Variants in GARNL3 observed in about 807,000 individuals in gnomAD.
The protein encoded by GARNL3 is GTPase activating Rap/RanGAP domain like 3, also known as GTPase-activating Rap/Ran-GAP domain-like protein 3.
A neutral mutation model predicts 125.0 loss-of-function variants in GARNL3; 63 were observed. The observed-to-expected ratio is 0.50, with a 90% CI of 0.41 to 0.62. The LOEUF (loss-of-function observed/expected upper bound fraction) is 0.62, where lower values mean the gene tolerates loss of function less well. GARNL3 is among the 20% of genes least tolerant of loss of function. The probability of loss-of-function intolerance (pLI) is 0.00; values close to 1 mark genes in which losing one functional copy is unlikely to be tolerated. For missense variants in GARNL3, 994 were observed against 1,244.0 expected (o/e 0.80, Z 3.02); for synonymous variants, 439 against 457.5 (o/e 0.96, Z 0.52).
intron 22 of GARNL3, among the ~76,000 whole-genome samples, chr9:127,368,491 C>T (rs1368061622): frequency 1.3e-5 from 2 of 151,440 alleles, no homozygotes; most frequent in East Asian, 2.0e-4. Context: ...GCACCACACC[C>T]GGCCAATTTT....
rs1263429598 is a variant in GARNL3, at chr9:127,372,018, C to T, written c.2161+6652C>T. Reference sequence around the variant, plus strand: ...CGCGATTTTGGCTCACGGAAACCTCCGCCTCCTGGGTCCAAATGATTCTCC... The same window carrying T: ...CGCGATTTTGGCTCACGGAAACCTCTGCCTCCTGGGTCCAAATGATTCTCC... On this transcript the variant is annotated intron_variant, in intron 22 of 27. Transcript: ENST00000373387. Among the ~76,000 whole-genome samples the T allele has an allele frequency of 3.9e-5, 6 of 152,154 alleles. No individual in the cohort carries two copies. The East Asian group carries it at 1.2e-3, about 29-fold the overall frequency.
In GARNL3 at chr9:127,385,122, C is replaced by T. The variant is rs1202152688; in HGVS notation, c.2365C>T (p.Gln789Ter). 6.2e-7 allele frequency: 1 copy of T among 1,607,030 alleles called. No homozygotes were observed. The highest frequency in any genetic ancestry group is 8.5e-7 in the Non-Finnish European group (1 of 1,175,780). The change falls in exon 24 of 28, where the codon CAG (glutamine) becomes TAG (stop). Residue 789 changes from glutamine to a stop codon, truncating the protein, a stop_gained. Coordinates refer to ENST00000373387, the MANE Select transcript of GARNL3 (RefSeq NM_032293.5). LOFTEE classifies it high-confidence loss of function. The surrounding 1 kb of genome is among the most constrained non-coding windows in gnomAD (Gnocchi z 4.1). ...GNLVHTAVVPQLQLVASRSDI... is the reference protein window; with the variant it reads ...GNLVHTAVVP ...CCTGGTCCACACTGCAGTCGTGCCG[C>T]AGCTGCAGCTGGTGGCCTCCAGGGT...
chr9:127,346,131 G>T (rs1332715487), intron 16 of GARNL3, among the ~76,000 whole-genome samples: 2 of 151,940 alleles, frequency 1.3e-5, no homozygotes, highest in Non-Finnish European at 2.9e-5. Context: ...TTTCCATGGG[G>T]GTAAAAACTA....
intron 2 of GARNL3, among the ~76,000 whole-genome samples, chr9:127,249,956 C>T (rs1326912270): frequency 6.6e-6 from 1 of 152,130 alleles, no homozygotes; most frequent in Non-Finnish European, 1.5e-5. Context: ...TTGCAGGGAG[C>T]CGAGATTGCA....
chr9:127,352,110 G>A (rs186271381), intron 17 of GARNL3, among the ~76,000 whole-genome samples: 2 of 152,258 alleles, frequency 1.3e-5, no homozygotes, highest in Admixed American at 6.5e-5. Context: ...TGCTGTGGTC[G>A]CATCTCTATC....
intron 2 of GARNL3, 105 bp downstream of exon 2, chr9:127,291,347 A>C: frequency 5.0e-6 from 5 of 999,026 alleles, no homozygotes; most frequent in Non-Finnish European, 7.7e-6. Flanking sequence ...AGCTTTTCAG[A>C]GCTTTGCTTG....
chr9:127,227,318 G>A (rs989751931), intron 1 of GARNL3, among the ~76,000 whole-genome samples: 4 of 152,076 alleles, frequency 2.6e-5, no homozygotes, highest in African/African-American at 7.2e-5. Context: ...ACTAATTTGT[G>A]GGCCAGGCGC....
chr9:127,393,189 G>T lies in GARNL3; in HGVS notation c.2977G>T (p.Val993Phe), dbSNP rs1564209073. Residue 993 changes from valine to phenylalanine, a missense_variant, in exon 28 of 28, where the codon GTC (valine) becomes TTC (phenylalanine). Around this residue, in one of 5 missense-constraint regions of GARNL3, gnomAD observed 728 missense variants for 865.7 expected, o/e 0.84. Transcript: ENST00000373387. ...TGTGGCAGACAGAGAGGGCAGCCCG[G>T]TCTCCGGCAGCAGCCCCTTCCAGCT... is the stretch of plus-strand genomic sequence containing the variant. The part of the protein sequence containing the change: ...DPVADREGSP[V>F]SGSSPFQLTA... 3 of 1,613,742 alleles carry T rather than the reference G, an allele frequency of 1.9e-6. No individual in the cohort carries two copies. The highest frequency in any genetic ancestry group is 1.7e-6 in the Non-Finnish European group (2 of 1,179,606).
intron 1 of GARNL3, among the ~76,000 whole-genome samples, chr9:127,225,782 C>T (rs542503219): frequency 0.036 from 340 of 9,394 alleles, no homozygotes; most frequent in Non-Finnish European, 0.06. Flanking sequence ...CTGGCAGCCG[C>T]ACACCTGCTG....
intron 2 of GARNL3, among the ~76,000 whole-genome samples, chr9:127,249,014 A>G (rs745916256): frequency 3.9e-5 from 6 of 151,972 alleles, no homozygotes; most frequent in Non-Finnish European, 8.8e-5. Flanking sequence ...AGCTCCAAAG[A>G]CTATGAGACA....
intron 17 of GARNL3, among the ~76,000 whole-genome samples, chr9:127,349,858 G>A (rs1466656068): frequency 1.3e-5 from 2 of 152,152 alleles, no homozygotes; most frequent in African/African-American, 4.8e-5. Context: ...TCTGGTTACC[G>A]TAGTGACATT....
intron 7 of GARNL3, among the ~76,000 whole-genome samples, chr9:127,325,667 T>C (rs2065546989): frequency 6.6e-6 from 1 of 152,196 alleles, no homozygotes. Flanking sequence ...TCTTTCTCTC[T>C]CATCCTATAT....
intron 5 of GARNL3, among the ~76,000 whole-genome samples, chr9:127,318,641 T>C (rs565957362): frequency 1.3e-5 from 2 of 152,280 alleles, no homozygotes; most frequent in Non-Finnish European, 2.9e-5. Context: ...TGCTTCCTGC[T>C]CAGCCACCTC....
At chr9:127,227,609 C>CA (rs2062936072) in intron 1 of GARNL3, among the ~76,000 whole-genome samples, 1 of 140,672 alleles carries the variant, frequency 7.1e-6, no homozygotes, top group East Asian at 2.1e-4. Flanking sequence ...TCAAAAAAAA[C>CA]AAAAAACAAA....
At chr9:127,265,721 TATTG>T (rs2063690042) in intron 1 of GARNL3, among the ~76,000 whole-genome samples, 1 of 152,246 alleles carries the variant, frequency 6.6e-6, no homozygotes, top group South Asian at 2.1e-4. Flanking sequence ...CATAAAATTA[TATTG>T]ATTATTATTT....
chr9:127,277,058 C>G (rs1029514354), intron 1 of GARNL3, among the ~76,000 whole-genome samples: 1 of 152,234 alleles, frequency 6.6e-6, no homozygotes, highest in African/African-American at 2.4e-5. Flanking sequence ...CATGATCTTG[C>G]TGCTGTTACA....
Position 127,362,459 on chromosome 9 carries a change from G to C in GARNL3, c.2095-2841G>C, listed in dbSNP as rs552934054. On this transcript the variant is annotated intron_variant, in intron 21 of 27. Coordinates refer to ENST00000373387, the MANE Select transcript of GARNL3 (RefSeq NM_032293.5). ...CAGAGCACACAGCTAGTAAGTGGCA[G>C]AGGCAGGACTTGGACCCCAGCTGGC... 2.0e-5 allele frequency: 3 copies of C among 152,340 alleles called. No individual in the cohort carries two copies. In the South Asian group the frequency reaches 6.2e-4, roughly 32 times the overall value. 9.4% of individuals were successfully genotyped at this position (152,340 alleles called of 1,614,324 possible). A position where few individuals can be genotyped will look rare whatever the true frequency, so the allele number is the denominator to read the frequency against.
chr9:127,324,025 G>A (rs1588856015), intron 6 of GARNL3, among the ~76,000 whole-genome samples: 1 of 152,260 alleles, frequency 6.6e-6, no homozygotes, highest in East Asian at 1.9e-4. Flanking sequence ...TGAAGCAGGA[G>A]GATTGCTTGA....
At chr9:127,290,531 AG>A (rs140123916) in intron 1 of GARNL3, among the ~76,000 whole-genome samples, 26 of 152,336 alleles carry the variant, frequency 1.7e-4, no homozygotes, top group African/African-American at 6.0e-4. Flanking sequence ...AAAATCTAGA[AG>A]GAGAAAATAA....
Sources: gnomAD v4.1 joint callset for allele counts (sites outside exome capture counted in the v4.1 genomes callset) on GRCh38, gnomAD v4.1.1 for gene constraint, gnomAD v4.1.1 regional missense constraint, Gnocchi (gnomAD v3.1) non-coding constraint, MANE v1.5 for transcripts, NCBI Gene and HGNC (gene_info 2026-07-23, HGNC 2026-07-21) for gene names.